Variants in VOPP1 observed in about 807,000 individuals in gnomAD.
VOPP1 encodes WW domain binding protein VOPP1.
In VOPP1, 8 loss-of-function variants were observed where a neutral mutation model predicts 23.5. That is an observed-to-expected ratio of 0.34 (90% CI 0.20 to 0.61). VOPP1 has a LOEUF of 0.61. VOPP1 is among the 20% of genes least tolerant of loss of function. VOPP1 has a pLI of 0.78. For missense variants in VOPP1, 174 were observed against 238.1 expected (o/e 0.73, Z 1.77); for synonymous variants, 83 against 97.3 (o/e 0.85, Z 0.86).
intron 4 of VOPP1, among the ~76,000 whole-genome samples, chr7:55,443,624 A>C (rs1312115615): frequency 2.7e-5 from 4 of 150,678 alleles, no homozygotes; most frequent in Admixed American, 6.6e-5. Flanking sequence ...ATCTGTAAAG[A>C]TATGAAGGAA....
At chr7:55,564,243 G>GTCTCTGTCTCTCTCTCTCTCTCTCTC (rs1554302403) in intron 1 of VOPP1, among the ~76,000 whole-genome samples, 20 of 125,984 alleles carry the variant, frequency 1.6e-4, no homozygotes, top group East Asian at 4.6e-4. Context: ...CTCTGTCTCT[G>GTCTCTGTCTCTCTCTCTCTCTCTCTC]TCTCTCTCTC....
chr7:55,470,555 A>G (rs1451035078), downstream of VOPP1: 2 of 152,210 alleles, frequency 1.3e-5, no homozygotes, highest in Non-Finnish European at 2.9e-5. Flanking sequence ...ACCCTTCCTC[A>G]TTAGAAACTT....
At chr7:55,438,339 G>A (rs995838371) in intron 4 of VOPP1, among the ~76,000 whole-genome samples, 26 of 152,122 alleles carry the variant, frequency 1.7e-4, no homozygotes, top group Admixed American at 6.5e-5. Context: ...GAAAACAGGC[G>A]AAGACACTCA....
chr7:55,503,340 T>C (rs1794495373), intron 2 of VOPP1, among the ~76,000 whole-genome samples: 1 of 152,052 alleles, frequency 6.6e-6, no homozygotes, highest in Non-Finnish European at 1.5e-5. Flanking sequence ...TTTTGGAGCC[T>C]AAGAAGGAAG....
At chr7:55,510,456 G>A (rs1241689077) in intron 2 of VOPP1, among the ~76,000 whole-genome samples, 1 of 151,972 alleles carries the variant, frequency 6.6e-6, no homozygotes, top group East Asian at 1.9e-4. Context: ...AATCCTAAAT[G>A]GGTCATGTTA....
In VOPP1 at chr7:55,447,374, G is replaced by C. The variant is rs147972781; in HGVS notation, n.418-11200C>G. Among the ~76,000 whole-genome samples the C allele has an allele frequency of 5.3e-3, 808 of 152,304 alleles. 4 individuals are homozygous for C. The highest frequency in any genetic ancestry group is 0.02 in the Middle Eastern group (6 of 294). On this transcript the variant is annotated intron_variant and non_coding_transcript_variant, in intron 4 of 4. Coordinates refer to the VOPP1 transcript ENST00000462326. The stretch of plus-strand genomic sequence containing the variant: ...TGACTCCCAAGTTCACGGTGCGTAA[G>C]GTTTGCTCACTGAAGAAATGTAAGG...
rs1236322589 is a variant in VOPP1, at chr7:55,472,117, T to C, written c.*738A>G. The stretch of plus-strand genomic sequence containing the variant: ...CAAATCAGACCAAGAGCTCACAAAA[T>C]GCAATGTCTCAGTTTGGGGCAGGAA... On this transcript the variant is annotated 3_prime_UTR_variant, in exon 5 of 5. Transcript: ENST00000285279. The C allele has an allele frequency of 1.3e-5, 2 of 151,940 alleles. No individual in the cohort carries two copies. The highest frequency in any genetic ancestry group is 2.1e-4 in the South Asian group (1 of 4,800). The allele number at this position is 151,940 out of a possible 1,614,324, so 9.4% of individuals were successfully genotyped here.
intron 1 of VOPP1, among the ~76,000 whole-genome samples, chr7:55,564,245 C>CTCTG (rs1215739634): frequency 6.1e-5 from 9 of 147,608 alleles, no homozygotes; most frequent in African/African-American, 2.1e-4. Flanking sequence ...CTGTCTCTGT[C>CTCTG]TCTCTCTCTC....
intron 4 of VOPP1, among the ~76,000 whole-genome samples, chr7:55,451,453 C>A (rs1204393905): frequency 6.6e-6 from 1 of 152,176 alleles, no homozygotes; most frequent in East Asian, 1.9e-4. Context: ...AAGTGCACAA[C>A]AGCATTATGT....
intron 2 of VOPP1, among the ~76,000 whole-genome samples, chr7:55,504,017 G>A (rs928484400): frequency 2.0e-4 from 30 of 152,316 alleles, no homozygotes; most frequent in Non-Finnish European, 4.4e-5. Flanking sequence ...TTCAGGGTGC[G>A]GGTCTGGAGA....
chr7:55,515,113 G>A (rs1165020933), intron 2 of VOPP1, among the ~76,000 whole-genome samples: 2 of 152,154 alleles, frequency 1.3e-5, no homozygotes, highest in East Asian at 1.9e-4. Context: ...CTGCTCTTCC[G>A]CACACCCAAG....
intron 2 of VOPP1, among the ~76,000 whole-genome samples, chr7:55,520,277 T>G (rs941408090): frequency 1.3e-5 from 2 of 152,228 alleles, no homozygotes; most frequent in Non-Finnish European, 2.9e-5. Context: ...TATATATGCC[T>G]GAGGAATCTC....
chr7:55,442,075 C>T (rs1274418055), intron 4 of VOPP1, among the ~76,000 whole-genome samples: 3 of 152,154 alleles, frequency 2.0e-5, no homozygotes, highest in Non-Finnish European at 4.4e-5. Context: ...GGGCACTGTG[C>T]AAAGCACTTG....
At chr7:55,503,365 A>C (rs1478637585) in intron 2 of VOPP1, among the ~76,000 whole-genome samples, 1 of 152,228 alleles carries the variant, frequency 6.6e-6, no homozygotes, top group South Asian at 2.1e-4. Flanking sequence ...TGTTATGCTT[A>C]GTCCTGCACA....
chr7:55,531,737 G>A (rs561709716), intron 1 of VOPP1, among the ~76,000 whole-genome samples: 1 of 152,290 alleles, frequency 6.6e-6, no homozygotes, highest in East Asian at 1.9e-4. Context: ...CCACCTCCTA[G>A]TCTATGATTT....
At chr7:55,551,600 C>T (rs1019114730) in intron 1 of VOPP1, among the ~76,000 whole-genome samples, 1 of 152,074 alleles carries the variant, frequency 6.6e-6, no homozygotes, top group African/African-American at 2.4e-5. Flanking sequence ...TTCCCCCTTC[C>T]CTTAGGAAAA....
chr7:55,544,154 T>C (rs1797260728), intron 1 of VOPP1, among the ~76,000 whole-genome samples: 1 of 152,212 alleles, frequency 6.6e-6, no homozygotes, highest in Admixed American at 6.5e-5. Flanking sequence ...CCCAGCACCA[T>C]TTATTGAAGA....
intron 3 of VOPP1, among the ~76,000 whole-genome samples, chr7:55,497,287 TC>T (rs1794021144): frequency 6.6e-6 from 1 of 152,214 alleles, no homozygotes; most frequent in Non-Finnish European, 1.5e-5. Flanking sequence ...ATTTTCTGAT[TC>T]TTCAAGACAA....
intron 4 of VOPP1, among the ~76,000 whole-genome samples, chr7:55,480,817 T>G (rs1490731240): frequency 6.6e-6 from 1 of 152,242 alleles, no homozygotes; most frequent in East Asian, 1.9e-4. Context: ...AAGACTGAAT[T>G]CTCACTGAGT....
Sources: gnomAD v4.1 joint callset for allele counts (sites outside exome capture counted in the v4.1 genomes callset) on GRCh38, gnomAD v4.1.1 for gene constraint, MANE v1.5 for transcripts, NCBI Gene and HGNC (gene_info 2026-07-23, HGNC 2026-07-21) for gene names.